GRB10: variants seen among roughly 807,000 people sequenced by gnomAD.
The protein encoded by GRB10 is growth factor receptor bound protein 10.
A neutral mutation model predicts 80.9 loss-of-function variants in GRB10; 20 were observed. The ratio of observed to expected loss-of-function variants is 0.25; its 90% CI spans 0.17 to 0.36. The LOEUF (loss-of-function observed/expected upper bound fraction) is 0.36, where lower values mean the gene tolerates loss of function less well. GRB10 is among the 10% of genes least tolerant of loss of function. The probability of loss-of-function intolerance (pLI) is 1.00; values close to 1 mark genes in which losing one functional copy is unlikely to be tolerated. For synonymous variants in GRB10, 291 were observed against 291.5 expected, an observed-to-expected ratio of 1.00 and a Z score of 0.02; for missense variants, 548 against 747.7, an observed-to-expected ratio of 0.73 and a Z score of 3.12.
intron 2 of GRB10, among the ~76,000 whole-genome samples, chr7:50,767,214 C>T (rs748724457): frequency 1.3e-5 from 2 of 152,184 alleles, no homozygotes; most frequent in Non-Finnish European, 2.9e-5. Context: ...AAGTCCAAGG[C>T]AGGAATACCA....
At chr7:50,635,432 T>A in intron 7 of GRB10, among the ~76,000 whole-genome samples, 1 of 151,560 alleles carries the variant, frequency 6.6e-6, no homozygotes, top group African/African-American at 2.4e-5. Context: ...GACAGAAAGT[T>A]CTCAAATTAA....
intron 12 of GRB10, among the ~76,000 whole-genome samples, chr7:50,614,462 T>G (rs1460269980): frequency 6.6e-6 from 1 of 152,078 alleles, no homozygotes; most frequent in Non-Finnish European, 1.5e-5. Flanking sequence ...CCACCTCCCC[T>G]TCCAGCTACT....
At chr7:50,722,116 AG>A (rs967545917) in intron 4 of GRB10, among the ~76,000 whole-genome samples, 2 of 152,114 alleles carry the variant, frequency 1.3e-5, no homozygotes, top group Non-Finnish European at 2.9e-5. Context: ...CCCCAGAGGC[AG>A]GGTGTACCAC....
chr7:50,729,041 G>A (rs535163580), intron 4 of GRB10, among the ~76,000 whole-genome samples: 27 of 152,204 alleles, frequency 1.8e-4, no homozygotes, highest in African/African-American at 6.3e-4. Flanking sequence ...TAGGTTCCCC[G>A]CCTGAAGCTT....
At chr7:50,765,641 A>AG (rs1399084024) in intron 2 of GRB10, among the ~76,000 whole-genome samples, 1 of 152,214 alleles carries the variant, frequency 6.6e-6, no homozygotes, top group East Asian at 1.9e-4. Flanking sequence ...AGGGAAGAGT[A>AG]GGGGGGTATG....
At chr7:50,785,528 T>C (rs928012366), upstream of GRB10, among the ~76,000 whole-genome samples, 1 of 152,204 alleles carries the variant, frequency 6.6e-6, no homozygotes, top group Non-Finnish European at 1.5e-5. Context: ...TGACAGGAGA[T>C]ACATCCTCCA....
intron 1 of GRB10, among the ~76,000 whole-genome samples, chr7:50,789,575 T>C (rs1381724648): frequency 6.6e-6 from 1 of 151,906 alleles, no homozygotes; most frequent in Non-Finnish European, 1.5e-5. Flanking sequence ...GTGGGAGGGG[T>C]TATTCCTCCC....
chr7:50,752,871 G>C (rs182454467), intron 3 of GRB10, among the ~76,000 whole-genome samples: 1 of 152,338 alleles, frequency 6.6e-6, no homozygotes, highest in Non-Finnish European at 1.5e-5. Flanking sequence ...CAAAAATGGG[G>C]ACAGAGGAAA....
At chr7:50,657,912 T>C (rs759012228) in intron 7 of GRB10, among the ~76,000 whole-genome samples, 22 of 152,214 alleles carry the variant, frequency 1.4e-4, no homozygotes, top group Non-Finnish European at 2.2e-4. Flanking sequence ...TTTACATTTT[T>C]ATTACTCAAA....
intron 5 of GRB10, among the ~76,000 whole-genome samples, chr7:50,694,173 A>C (rs2063165531): frequency 6.6e-6 from 1 of 152,134 alleles, no homozygotes; most frequent in African/African-American, 2.4e-5. Flanking sequence ...AAAATACAAA[A>C]ATTAGCCAGG....
chr7:50,635,902 T>TAA lies in GRB10; in HGVS notation c.505-8926_505-8925dup, dbSNP rs56099361. ...ATCAGTAATTATAAAAATCTTCCAA[T>TAA]AAAAAAAAAAAAAAGCCCAGGACCA... On this transcript the variant is annotated intron_variant, in intron 7 of 18. Coordinates refer to ENST00000401949, the MANE Select transcript of GRB10 (RefSeq NM_001350814.2). Among the ~76,000 whole-genome samples, 27 of 96,454 alleles carry TAA rather than the reference T, an allele frequency of 2.8e-4. No individual in the cohort carries two copies. In the East Asian group the frequency reaches 7.2e-3, roughly 26 times the overall value. The allele number at this position is 96,454 out of a possible 152,430, so 63.3% of individuals were successfully genotyped here. A position where few individuals can be genotyped will look rare whatever the true frequency, so the allele number is the denominator to read the frequency against.
intron 7 of GRB10, among the ~76,000 whole-genome samples, chr7:50,644,063 T>C (rs1027531557): frequency 2.0e-5 from 3 of 152,154 alleles, no homozygotes; most frequent in African/African-American, 7.2e-5. Flanking sequence ...GTGGAAAGCA[T>C]GGGGGCCCTT....
At chr7:50,773,978 C>T (rs1227388997) in intron 2 of GRB10, among the ~76,000 whole-genome samples, 1 of 152,232 alleles carries the variant, frequency 6.6e-6, no homozygotes, top group Non-Finnish European at 1.5e-5. Context: ...CTGCCTCAAC[C>T]TCCCAAGCAG....
chr7:50,593,156 G>A (rs1366603378), intron 18 of GRB10, 58 bp from the exon 19 acceptor site: 52 of 1,593,162 alleles, frequency 3.3e-5, no homozygotes, highest in South Asian at 1.5e-4. Flanking sequence ...GGAACAGAAC[G>A]GGGCCCACGG....
intron 17 of GRB10, among the ~76,000 whole-genome samples, chr7:50,599,757 G>A (rs1261839184): frequency 5.9e-5 from 9 of 152,226 alleles, no homozygotes; most frequent in Admixed American, 5.2e-4. Flanking sequence ...TTTCTGATCC[G>A]AGAAAAATTG....
chr7:50,604,347 T>C lies in GRB10; in HGVS notation c.1420A>G (p.Ser474Gly), dbSNP rs1358723585. 6.2e-7 allele frequency: 1 copy of C among 1,613,648 alleles called. No individual in the cohort carries two copies. The highest frequency in any genetic ancestry group is 1.1e-5 in the South Asian group (1 of 91,064). The change falls in exon 16 of 19, where the codon AGC becomes GGC. Residue 474 changes from serine to glycine, a missense_variant. By Grantham distance (56) the Ser-to-Gly change is moderately conservative (BLOSUM62 0). Around this residue, in one of 4 missense-constraint regions of GRB10, gnomAD observed 270 missense variants for 433.6 expected, o/e 0.62. Coordinates refer to ENST00000401949, the MANE Select transcript of GRB10 (RefSeq NM_001350814.2). Reference sequence around the variant, plus strand: ...GTAGAAGGGTGGAGGGGACTTTGGCTACCTAGGATGTTCATCCGTGTGCTT... The same window carrying C: ...GTAGAAGGGTGGAGGGGACTTTGGCCACCTAGGATGTTCATCCGTGTGCTT... ...KRSTRMNILG[S>G]QSPLHPSTLS...
intron 17 of GRB10, among the ~76,000 whole-genome samples, chr7:50,601,353 A>C (rs2047560819): frequency 6.6e-6 from 1 of 152,250 alleles, no homozygotes; most frequent in Non-Finnish European, 1.5e-5. Context: ...AGCAGCATTC[A>C]ACCAAAAAGA....
intron 2 of GRB10, among the ~76,000 whole-genome samples, chr7:50,775,163 A>G (rs1350485468): frequency 8.4e-6 from 1 of 119,696 alleles, no homozygotes; most frequent in South Asian, 2.6e-4. Flanking sequence ...CCTGTCTCCA[A>G]AAAAAAAAAA....
chr7:50,656,947 G>C (rs900699163), intron 7 of GRB10, among the ~76,000 whole-genome samples: 5 of 152,206 alleles, frequency 3.3e-5, no homozygotes, highest in Non-Finnish European at 7.3e-5. Flanking sequence ...TGTGGCAACA[G>C]CTGCACTCCA....
Sources: gnomAD v4.1 joint callset for allele counts (sites outside exome capture counted in the v4.1 genomes callset) on GRCh38, gnomAD v4.1.1 for gene constraint, gnomAD v4.1.1 regional missense constraint, MANE v1.5 for transcripts, NCBI Gene and HGNC (gene_info 2026-07-23, HGNC 2026-07-21) for gene names.